The following CERK variants were observed in gnomAD, a reference collection of about 807,000 sequenced individuals.
CERK encodes acylsphingosine kinase.
CERK carries 39 observed loss-of-function variants against 63.4 expected under a neutral mutation model. That is an observed-to-expected ratio of 0.61 (90% CI 0.48 to 0.80). The LOEUF (loss-of-function observed/expected upper bound fraction) is 0.80. CERK is among the 30% of genes least tolerant of loss of function. The pLI is 0.00. For synonymous variants in CERK, 302 were observed against 280.0 expected, an observed-to-expected ratio of 1.08 and a Z score of -0.78; for missense variants, 670 against 714.1, an observed-to-expected ratio of 0.94 and a Z score of 0.70.
rs1464432481 is a variant in CERK at position 46,684,869 on chromosome 22, G to A, written c.*2265C>T. The A allele has an allele frequency of 6.6e-6, 1 of 152,092 alleles. No homozygotes were observed. Among genetic ancestry groups the A allele is most frequent in the Non-Finnish European group, 1.5e-5 (1 of 68,028 alleles). The allele number at this position is 152,092 out of a possible 1,614,324, so 9.4% of individuals were successfully genotyped here. ...GGCTGCTGGCAGGTGTCAGACACAC[G>A]GTACCGCAACAGCAGTCCCGAGGTC... On this transcript the variant is annotated 3_prime_UTR_variant, in exon 13 of 13. Transcript: ENST00000216264.
chr22:46,731,003 T>A (rs1336192584), intron 1 of CERK, among the ~76,000 whole-genome samples: 2 of 152,188 alleles, frequency 1.3e-5, no homozygotes, highest in Non-Finnish European at 2.9e-5. Flanking sequence ...CAAGCCCAAG[T>A]GGCCAACTAG....
rs1228198175 is a variant in CERK at position 46,720,131 on chromosome 22, A to C, written c.334T>G (p.Cys112Gly). ...VTFWCPEEQL[C>G]HLWLQTLREM... ...CGCAGGGTCTGCAGCCACAAGTGAC[A>C]CAGCTGCTCCTCTGGACACCAGAAA... The change falls in exon 3 of 13, where the codon TGT becomes GGT. Residue 112 changes from cysteine (C) to glycine (G), a missense_variant. Transcript: ENST00000216264. 6.2e-7 allele frequency: 1 copy of C among 1,614,106 alleles called. No homozygotes were observed. The highest frequency in any genetic ancestry group is 8.5e-7 in the Non-Finnish European group (1 of 1,180,024).
chr22:46,734,842 A>G (rs907238603), intron 1 of CERK, among the ~76,000 whole-genome samples: 1 of 152,242 alleles, frequency 6.6e-6, no homozygotes, highest in African/African-American at 2.4e-5. Context: ...GATATTATTA[A>G]ATCAACATGA....
At chr22:46,710,124 T>C (rs892840519) in intron 5 of CERK, among the ~76,000 whole-genome samples, 4 of 152,124 alleles carry the variant, frequency 2.6e-5, no homozygotes, top group South Asian at 2.1e-4. Flanking sequence ...GTAAATAATA[T>C]ACTATAAGAA....
At chr22:46,729,888 A>T (rs2082937010) in intron 1 of CERK, among the ~76,000 whole-genome samples, 1 of 151,886 alleles carries the variant, frequency 6.6e-6, no homozygotes, top group African/African-American at 2.4e-5. Flanking sequence ...AAATACAAAA[A>T]ATTAGCCAGG....
At chr22:46,700,377 G>A (rs135684) in intron 7 of CERK, among the ~76,000 whole-genome samples, 5 of 152,044 alleles carry the variant, frequency 3.3e-5, no homozygotes, top group African/African-American at 1.2e-4. Context: ...TGGGCAACAA[G>A]AGCGAAACTC....
At chr22:46,729,851 A>C (rs1378805153) in intron 1 of CERK, among the ~76,000 whole-genome samples, 3 of 152,018 alleles carry the variant, frequency 2.0e-5, no homozygotes, top group Non-Finnish European at 4.4e-5. Flanking sequence ...CATCCTGGCT[A>C]ACACGGTGAA....
intron 6 of CERK, among the ~76,000 whole-genome samples, chr22:46,706,611 GA>G (rs2082814239): frequency 6.6e-6 from 1 of 152,142 alleles, no homozygotes; most frequent in Admixed American, 6.5e-5. Flanking sequence ...GCGATATTAT[GA>G]AAAGTTCCTC....
chr22:46,738,122 C>A lies in CERK; in HGVS notation c.27G>T (p.Pro9=), dbSNP rs1312605379. The part of the protein sequence containing the change: MGATGAAE[P]LQSVLWVKQQ... The stretch of plus-strand genomic sequence containing the variant: ...GCTTCACCCACAGCACGGATTGCAG[C>A]GGCTCCGCCGCCCCCGTCGCCCCCA... Residue 9 remains proline (P), a synonymous_variant, in exon 1 of 13, where the codon CCG becomes CCT. Coordinates refer to ENST00000216264, the MANE Select transcript of CERK (RefSeq NM_022766.6). The A allele has an allele frequency of 4.0e-6, 5 of 1,243,014 alleles. No individual in the cohort carries two copies. Among genetic ancestry groups the A allele is most frequent in the South Asian group, 2.3e-5 (1 of 44,088 alleles). The allele number at this position is 1,243,014 out of a possible 1,614,324, so 77.0% of individuals were successfully genotyped here.
chr22:46,730,090 T>C (rs745877574), intron 1 of CERK, among the ~76,000 whole-genome samples: 1 of 151,872 alleles, frequency 6.6e-6, no homozygotes, highest in Non-Finnish European at 1.5e-5. Flanking sequence ...GTTATAACCA[T>C]GCTCACTGAG....
chr22:46,723,555 G>A (rs111900521), intron 1 of CERK, among the ~76,000 whole-genome samples: 1 of 151,272 alleles, frequency 6.6e-6, no homozygotes, highest in African/African-American at 2.4e-5. Context: ...GGAGGCGGAG[G>A]TTGCCGTGAG....
intron 12 of CERK, among the ~76,000 whole-genome samples, chr22:46,687,577 C>T (rs1052749965): frequency 2.0e-5 from 3 of 151,958 alleles, no homozygotes; most frequent in East Asian, 3.8e-4. Flanking sequence ...TGTCTGCCCA[C>T]TCCACCCACC....
In CERK at chr22:46,684,781, A is replaced by T. The variant is rs1025146972; in HGVS notation, c.*2353T>A. ...CCGCATCTGAAAGGCTGCCCCGGAAATCAGAGCCTATCTAGCGGGAATGTC... is the reference window on the plus strand; with the variant it reads ...CCGCATCTGAAAGGCTGCCCCGGAATTCAGAGCCTATCTAGCGGGAATGTC... On this transcript the variant is annotated 3_prime_UTR_variant, in exon 13 of 13. Coordinates refer to ENST00000216264, the MANE Select transcript of CERK (RefSeq NM_022766.6). 1.3e-5 allele frequency: 2 copies of T among 152,212 alleles called. No homozygotes were observed. Among genetic ancestry groups the T allele is most frequent in the African/African-American group, 4.8e-5 (2 of 41,454 alleles). 9.4% of individuals were successfully genotyped at this position (152,212 alleles called of 1,614,324 possible).
chr22:46,686,948 G>A lies in CERK; in HGVS notation c.*186C>T, dbSNP rs576376600. 79 of 591,856 alleles carry A rather than the reference G, an allele frequency of 1.3e-4. No homozygotes were observed. Among genetic ancestry groups the A allele is most frequent in the African/African-American group, 1.1e-3 (60 of 53,778 alleles). The allele number at this position is 591,856 out of a possible 1,614,324, so 36.7% of individuals were successfully genotyped here. On this transcript the variant is annotated 3_prime_UTR_variant, in exon 13 of 13. Coordinates refer to ENST00000216264, the MANE Select transcript of CERK (RefSeq NM_022766.6). Reference sequence around the variant, plus strand: ...GGCGTGGGCTGCAACCCGCAGATGCGTACAGAACTGAAAATGCCAAATATG... The same window carrying A: ...GGCGTGGGCTGCAACCCGCAGATGCATACAGAACTGAAAATGCCAAATATG...
intron 6 of CERK, among the ~76,000 whole-genome samples, chr22:46,707,594 G>A (rs959083541): frequency 2.6e-5 from 4 of 152,226 alleles, no homozygotes; most frequent in African/African-American, 4.8e-5. Flanking sequence ...CACCCCCAGC[G>A]GTGGGGTTCT....
intron 1 of CERK, among the ~76,000 whole-genome samples, chr22:46,727,774 G>T (rs2082926470): frequency 6.6e-6 from 1 of 152,064 alleles, no homozygotes; most frequent in African/African-American, 2.4e-5. Context: ...ACCACCCAAG[G>T]TCCATGGGCT....
rs770584271 is a variant in CERK at position 46,707,764 on chromosome 22, G to A, written c.715+79C>T. On this transcript the variant is annotated intron_variant, in intron 6 of 12. Transcript: ENST00000216264. The stretch of plus-strand genomic sequence containing the variant: ...ACTGAGTATAATTGGGTTATTAAGT[G>A]TCCGAGGTGGCTACTTGTGCAGAAC... 6 of 1,483,672 alleles carry A rather than the reference G, an allele frequency of 4.0e-6. No individual in the cohort carries two copies. In the Admixed American group the frequency reaches 9.9e-5, roughly 25 times the overall value. 91.9% of individuals were successfully genotyped at this position (1,483,672 alleles called of 1,614,324 possible). A position where few individuals can be genotyped will look rare whatever the true frequency, so the allele number is the denominator to read the frequency against.
intron 9 of CERK, among the ~76,000 whole-genome samples, chr22:46,694,421 C>T (rs1020119590): frequency 3.9e-5 from 6 of 152,156 alleles, no homozygotes; most frequent in Admixed American, 2.0e-4. Context: ...TGTTCAGTGG[C>T]GTAGCCACCA....
At chr22:46,734,502 C>G (rs1002692056) in intron 1 of CERK, among the ~76,000 whole-genome samples, 23 of 152,194 alleles carry the variant, frequency 1.5e-4, no homozygotes, top group Non-Finnish European at 4.4e-5. Context: ...TAGCATCGTG[C>G]CTGTCCCTGG....
Sources: gnomAD v4.1 joint callset for allele counts (sites outside exome capture counted in the v4.1 genomes callset) on GRCh38, gnomAD v4.1.1 for gene constraint, MANE v1.5 for transcripts, NCBI Gene and HGNC (gene_info 2026-07-23, HGNC 2026-07-21) for gene names.